The following KLF8 variants were observed in gnomAD, a reference collection of about 807,000 sequenced individuals.
The protein encoded by KLF8 is KLF transcription factor 8.
In KLF8, 10 loss-of-function variants were observed where a neutral mutation model predicts 18.2. That is an observed-to-expected ratio of 0.55 (90% CI 0.34 to 0.93). The LOEUF is 0.93. Among genes scored for constraint, KLF8 ranks in the 40% least tolerant of loss-of-function variants. The pLI, the probability that KLF8 is intolerant of heterozygous loss-of-function variation, is 0.02. For synonymous variants in KLF8, 109 were observed against 97.3 expected, an observed-to-expected ratio of 1.12 and a Z score of -0.71; for missense variants, 264 against 277.9, an observed-to-expected ratio of 0.95 and a Z score of 0.36.
chrX:55,959,053 C>T, the KLF8 span, among the ~76,000 whole-genome samples: 1 of 112,050 alleles, frequency 8.9e-6, no homozygotes, highest in African/African-American at 3.2e-5. Flanking sequence ...AACCCTGGCC[C>T]CACCAGTGCA....
At chrX:56,092,757 G>A in the KLF8 span, among the ~76,000 whole-genome samples, 1 of 108,558 alleles carries the variant, frequency 9.2e-6, no homozygotes, top group Non-Finnish European at 1.9e-5. Context: ...GTTTAAGATA[G>A]CCATAATTAA....
chrX:55,976,323 T>C, the KLF8 span, among the ~76,000 whole-genome samples: 1 of 111,194 alleles, frequency 9.0e-6, no homozygotes, highest in Non-Finnish European at 1.9e-5. Flanking sequence ...AACTTATTCA[T>C]AGTGCATAAC....
chrX:56,214,461 A>T, the KLF8 span, among the ~76,000 whole-genome samples: 7 of 112,362 alleles, frequency 6.2e-5, no homozygotes, highest in Middle Eastern at 4.2e-3. Context: ...CCTAATGCCC[A>T]GTATTTCAGA....
the KLF8 span, among the ~76,000 whole-genome samples, chrX:56,215,357 A>G: frequency 8.1e-5 from 9 of 111,724 alleles, no homozygotes; most frequent in South Asian, 3.0e-3. Flanking sequence ...TTGGCTCCAA[A>G]CTAAATAAGT....
chrX:56,136,547 C>A, the KLF8 span, among the ~76,000 whole-genome samples: 1 of 111,531 alleles, frequency 9.0e-6, no homozygotes, highest in African/African-American at 3.3e-5. Context: ...AACTGGCTAG[C>A]CATATTTAGG....
the KLF8 span, among the ~76,000 whole-genome samples, chrX:56,071,800 A>C: frequency 8.9e-6 from 1 of 111,831 alleles, no homozygotes; most frequent in Non-Finnish European, 1.9e-5. Context: ...TCAATCAGAG[A>C]ATGTTTAGGT....
chrX:56,215,857 A>G, the KLF8 span, among the ~76,000 whole-genome samples: 1 of 97,913 alleles, frequency 1.0e-5, no homozygotes, highest in Non-Finnish European at 2.1e-5. Context: ...AAAAAAAAAA[A>G]AAAAAAGAAA....
At chrX:56,156,785 C>T in the KLF8 span, among the ~76,000 whole-genome samples, 1 of 92,965 alleles carries the variant, frequency 1.1e-5, no homozygotes, top group African/African-American at 4.1e-5. Flanking sequence ...TCGTATTGTT[C>T]AATTCCCACC....
At chrX:56,010,811 T>C in the KLF8 span, among the ~76,000 whole-genome samples, 6 of 111,867 alleles carry the variant, frequency 5.4e-5, no homozygotes, top group Non-Finnish European at 1.9e-5. Flanking sequence ...TCTGTTGCAA[T>C]CTTAGTTTAT....
chrX:56,178,218 A>G, the KLF8 span, among the ~76,000 whole-genome samples: 1 of 112,222 alleles, frequency 8.9e-6, no homozygotes, highest in East Asian at 2.8e-4. Flanking sequence ...AGCGATTTGC[A>G]TTTCTCTGAT....
the KLF8 span, among the ~76,000 whole-genome samples, chrX:56,057,370 C>G: frequency 9.0e-6 from 1 of 111,234 alleles, no homozygotes; most frequent in South Asian, 3.8e-4. Flanking sequence ...TTTGCTGTAG[C>G]AGTGGAAGGG....
chrX:56,021,439 G>T, the KLF8 span, among the ~76,000 whole-genome samples: 2 of 111,087 alleles, frequency 1.8e-5, no homozygotes, highest in Non-Finnish European at 3.8e-5. Context: ...GAATTTTTTT[G>T]TAAGTAATTT....
the KLF8 span, among the ~76,000 whole-genome samples, chrX:55,959,922 C>T: frequency 9.1e-6 from 1 of 109,716 alleles, no homozygotes; most frequent in African/African-American, 3.3e-5. Context: ...TAGGAGATGA[C>T]CATTCCTAAG....
the KLF8 span, among the ~76,000 whole-genome samples, chrX:56,215,759 G>A: frequency 4.5e-5 from 4 of 89,306 alleles, no homozygotes; most frequent in South Asian, 2.8e-3. Flanking sequence ...GGAGGTGGAG[G>A]TTCCAGTGAG....
intron 5 of KLF8, among the ~76,000 whole-genome samples, chrX:56,271,588 T>A (rs1015616075): frequency 8.9e-6 from 1 of 111,964 alleles, no homozygotes; most frequent in Admixed American, 9.5e-5. Context: ...AGAGCCCTAG[T>A]TGTTTTGCCT....
the KLF8 span, among the ~76,000 whole-genome samples, chrX:56,028,554 G>A: frequency 9.0e-6 from 1 of 111,379 alleles, no homozygotes; most frequent in South Asian, 3.8e-4. Flanking sequence ...TTGCACACCC[G>A]ACTGCTGTGG....
chrX:55,929,270 G>A, the KLF8 span, among the ~76,000 whole-genome samples: 1 of 110,042 alleles, frequency 9.1e-6, no homozygotes, highest in Admixed American at 9.6e-5. Flanking sequence ...GATATTAGCC[G>A]TTTGTCAGAT....
chrX:56,184,252 A>C, the KLF8 span, among the ~76,000 whole-genome samples: 1 of 112,372 alleles, frequency 8.9e-6, no homozygotes, highest in African/African-American at 3.2e-5. Context: ...TCCTATGCCC[A>C]CTGAGTCTCA....
chrX:56,015,156 G>A, the KLF8 span: 6 of 110,988 alleles, frequency 5.4e-5, no homozygotes, highest in South Asian at 1.1e-3. Flanking sequence ...TTAAAATAAA[G>A]CAAAATAAAA....
Sources: allele counts gnomAD v4.1 joint callset (sites outside exome capture counted in the v4.1 genomes callset), GRCh38; gene constraint gnomAD v4.1.1; transcripts MANE v1.5; gene names NCBI Gene and HGNC (gene_info 2026-07-23, HGNC 2026-07-21).